Variants in GALNT11 observed in about 807,000 individuals in gnomAD.
GALNT11 encodes the protein polypeptide N-acetylgalactosaminyltransferase 11.
In GALNT11, 47 loss-of-function variants were observed where a neutral mutation model predicts 72.7. That is an observed-to-expected ratio of 0.65 (90% CI 0.51 to 0.82). The LOEUF is 0.82. GALNT11 is among the 40% of genes least tolerant of loss of function. GALNT11 has a pLI of 0.00. For synonymous variants in GALNT11, 270 were observed against 286.6 expected, an observed-to-expected ratio of 0.94 and a Z score of 0.58; for missense variants, 677 against 778.4, an observed-to-expected ratio of 0.87 and a Z score of 1.55.
Position 152,117,376 on chromosome 7 carries a change from G to T in GALNT11, c.1452+1G>T. ...ACCCAAAGTCCTTCAACGTGGAAGG[G>T]TAAGAAAGCTGTTTTTTCCAAGTGG... is the stretch of plus-strand genomic sequence containing the variant. On this transcript the variant is annotated splice_donor_variant, in intron 9 of 11. Coordinates refer to ENST00000430044, the MANE Select transcript of GALNT11 (RefSeq NM_022087.4). LOFTEE classifies it high-confidence loss of function. 1 of 1,613,652 alleles carries T rather than the reference G, an allele frequency of 6.2e-7. No individual in the cohort carries two copies. The highest frequency in any genetic ancestry group is 8.5e-7 in the Non-Finnish European group (1 of 1,179,916).
intron 1 of GALNT11, among the ~76,000 whole-genome samples, chr7:152,035,235 C>T (rs143468735): frequency 0.054 from 8,174 of 152,168 alleles, 736 homozygotes; most frequent in African/African-American, 0.19. Flanking sequence ...AAAATTATGT[C>T]TTTCTAATTG....
chr7:152,077,156 C>T (rs1563058986), intron 1 of GALNT11, among the ~76,000 whole-genome samples: 1 of 152,218 alleles, frequency 6.6e-6, no homozygotes, highest in South Asian at 2.1e-4. Flanking sequence ...ACCTAGCCTG[C>T]ACTCTTTGAA....
At chr7:152,070,717 C>T (rs1314453614) in intron 1 of GALNT11, among the ~76,000 whole-genome samples, 2 of 152,214 alleles carry the variant, frequency 1.3e-5, no homozygotes, top group Admixed American at 6.5e-5. Flanking sequence ...ACTTTAATCT[C>T]ATCTGCTACC....
chr7:152,094,369 CA>C lies in GALNT11; in HGVS notation c.143del (p.His48ProfsTer32), dbSNP rs756541635. Reference sequence around the variant, plus strand: ...TGTGCCCGTCAAGGGGTCTGGGCCCCACGGACCATCTCCAAAAAAATTCTAT... The same window carrying C: ...TGTGCCCGTCAAGGGGTCTGGGCCCCCGGACCATCTCCAAAAAAATTCTAT... ...KNVPVKGSGP[H>X]GPSPKKFYPR... is the part of the protein sequence containing the mutation. On this transcript the variant is annotated frameshift_variant, in exon 2 of 12. Coordinates refer to ENST00000430044, the MANE Select transcript of GALNT11 (RefSeq NM_022087.4). LOFTEE classifies it high-confidence loss of function. This position sits in a 1 kb window ranked among gnomAD's most constrained non-coding sequence, Gnocchi z 4.3. The C allele has an allele frequency of 6.8e-6, 11 of 1,614,126 alleles. No homozygotes were observed. The highest frequency in any genetic ancestry group is 9.3e-6 in the Non-Finnish European group (11 of 1,180,022).
At chr7:152,080,680 G>A (rs114739410) in intron 1 of GALNT11, among the ~76,000 whole-genome samples, 7,090 of 152,182 alleles carry the variant, frequency 0.047, 186 homozygotes, top group South Asian at 0.087. Flanking sequence ...ATTAATTGCG[G>A]GCCAGGTACA....
intron 10 of GALNT11, chr7:152,119,065 GCTA>G (rs1234954032): frequency 4.1e-6 from 1 of 241,222 alleles, no homozygotes; most frequent in Non-Finnish European, 7.9e-6. Context: ...ACCTCAGTCA[GCTA>G]CTTTCGTCTC....
At chr7:152,096,522 G>GC (rs1343121358) in intron 2 of GALNT11, among the ~76,000 whole-genome samples, 1 of 152,080 alleles carries the variant, frequency 6.6e-6, no homozygotes, top group Non-Finnish European at 1.5e-5. Context: ...TTTGCAACCA[G>GC]CCTGACCAAC....
Position 152,064,916 on chromosome 7 carries a change from C to T in GALNT11, c.-38-29274C>T, listed in dbSNP as rs185385998. ...TCCTTCATTTCAAATTTGGTGAATC[C>T]GCCAATTATGTGCCTTGGAGTTGCT... is the stretch of plus-strand genomic sequence containing the variant. On this transcript the variant is annotated intron_variant, in intron 1 of 11. Transcript: ENST00000430044. Among the ~76,000 whole-genome samples the T allele has an allele frequency of 3.4e-4, 51 of 152,188 alleles. No individual in the cohort carries two copies. The East Asian group carries it at 8.1e-3, about 24-fold the overall frequency.
At chr7:152,102,504 A>T (rs151087233) in intron 3 of GALNT11, among the ~76,000 whole-genome samples, 48 of 151,702 alleles carry the variant, frequency 3.2e-4, no homozygotes, top group Middle Eastern at 3.5e-3. Context: ...ATCGCGCCAC[A>T]GCACTCCAGC....
intron 1 of GALNT11, among the ~76,000 whole-genome samples, chr7:152,061,499 T>C (rs1340266160): frequency 6.6e-6 from 1 of 152,220 alleles, no homozygotes; most frequent in Non-Finnish European, 1.5e-5. Flanking sequence ...TTTGTCAATT[T>C]TGGCTTTTGT....
intron 1 of GALNT11, among the ~76,000 whole-genome samples, chr7:152,092,008 G>C (rs2086071273): frequency 1.3e-5 from 2 of 152,158 alleles, no homozygotes; most frequent in Admixed American, 6.5e-5. Context: ...AGTGGTTTGA[G>C]GAAAACAACC....
At chr7:152,099,342 T>TTTTATTTATTTATTTATTTATTTA (rs143805862) in intron 2 of GALNT11, among the ~76,000 whole-genome samples, 1 of 143,578 alleles carries the variant, frequency 7.0e-6, no homozygotes, top group Non-Finnish European at 1.5e-5. Context: ...AAAAATGGAC[T>TTTTATTTATTTATTTATTTATTTA]TTTATTTATT....
At chr7:152,044,790 G>C (rs1350373200) in intron 1 of GALNT11, among the ~76,000 whole-genome samples, 1 of 151,236 alleles carries the variant, frequency 6.6e-6, no homozygotes, top group African/African-American at 2.4e-5. Flanking sequence ...TTATTCTCTT[G>C]TCTGATTGCT....
intron 4 of GALNT11, chr7:152,104,908 A>G (rs1229757316): frequency 1.3e-5 from 2 of 159,576 alleles, no homozygotes; most frequent in Admixed American, 1.3e-4. Context: ...TTTGTTATCA[A>G]TGTGATTTAT....
chr7:152,063,301 G>A (rs1214179796), intron 1 of GALNT11, among the ~76,000 whole-genome samples: 9 of 152,012 alleles, frequency 5.9e-5, no homozygotes, highest in East Asian at 1.9e-4. Flanking sequence ...CTGTGGGATC[G>A]GTGGTGATAT....
chr7:152,114,264 T>A (rs1316327023), intron 8 of GALNT11, among the ~76,000 whole-genome samples: 2 of 152,230 alleles, frequency 1.3e-5, no homozygotes, highest in Non-Finnish European at 2.9e-5. Context: ...TCCATAGCCT[T>A]CGATCATCTC....
chr7:152,103,610 G>T (rs927607820), intron 4 of GALNT11: 1 of 239,512 alleles, frequency 4.2e-6, no homozygotes, highest in African/African-American at 2.2e-5. Flanking sequence ...AAATTCCCCT[G>T]TCAGAACCAG....
At chr7:152,058,366 A>G (rs916899638) in intron 1 of GALNT11, among the ~76,000 whole-genome samples, 2 of 151,858 alleles carry the variant, frequency 1.3e-5, no homozygotes, top group African/African-American at 4.8e-5. Context: ...TTTTTTTGAG[A>G]TGGAGTCTTG....
At chr7:152,066,211 C>G (rs1466779002) in intron 1 of GALNT11, among the ~76,000 whole-genome samples, 1 of 152,214 alleles carries the variant, frequency 6.6e-6, no homozygotes, top group Non-Finnish European at 1.5e-5. Context: ...ATGAGCAAGG[C>G]TCCGTGGGCG....
Sources: allele counts gnomAD v4.1 joint callset (sites outside exome capture counted in the v4.1 genomes callset), GRCh38; gene constraint gnomAD v4.1.1; non-coding constraint Gnocchi (gnomAD v3.1); transcripts MANE v1.5; gene names NCBI Gene and HGNC (gene_info 2026-07-23, HGNC 2026-07-21).